The following CCNT1 variants were observed in gnomAD, a reference collection of about 807,000 sequenced individuals.
CCNT1 encodes cyclin T1.
A neutral mutation model predicts 67.3 loss-of-function variants in CCNT1; 18 were observed. The ratio of observed to expected loss-of-function variants is 0.27; its 90% CI spans 0.18 to 0.40. CCNT1 has a LOEUF of 0.40. Among genes scored for constraint, CCNT1 ranks in the 10% least tolerant of loss-of-function variants. The pLI is 1.00. For synonymous variants in CCNT1, 333 were observed against 310.3 expected, an observed-to-expected ratio of 1.07 and a Z score of -0.77; for missense variants, 744 against 884.9, an observed-to-expected ratio of 0.84 and a Z score of 2.02.
chr12:48,696,098 G>A lies in CCNT1; in HGVS notation c.607C>T (p.Leu203=), dbSNP rs991474879. The change falls in exon 7 of 9, where the codon CTG becomes TTG. Residue 203 remains leucine, a synonymous_variant. Transcript: ENST00000261900. ...PPVVACVCIH[L]ACKWSNWEIP... ...TCCCAATTGGACCACTTGCAAGCCA[G>A]GTGAATGCAGACACAGGCCACCACA... The A allele has an allele frequency of 6.2e-7, 1 of 1,613,794 alleles. No individual in the cohort carries two copies. Among genetic ancestry groups the A allele is most frequent in the Admixed American group, 1.7e-5 (1 of 59,988 alleles).
chr12:48,695,481 T>C (rs1301987581), intron 8 of CCNT1, among the ~76,000 whole-genome samples: 1 of 152,158 alleles, frequency 6.6e-6, no homozygotes, highest in African/African-American at 2.4e-5. Flanking sequence ...AGAAGCCATG[T>C]TTTTTCCCTA....
intron 2 of CCNT1, among the ~76,000 whole-genome samples, chr12:48,712,999 C>T (rs1324372301): frequency 1.3e-5 from 2 of 151,878 alleles, no homozygotes; most frequent in African/African-American, 4.8e-5. Flanking sequence ...ATTACCTTGG[C>T]GTTTTATTAA....
chr12:48,716,452 G>A, intron 1 of CCNT1, 63 bp downstream of exon 1: 2 of 1,477,548 alleles, frequency 1.4e-6, no homozygotes, highest in South Asian at 2.6e-5. Flanking sequence ...CAGAGCCTGA[G>A]ACCCGGACGC....
At position 48,693,403 on chromosome 12, in the gene CCNT1, A is replaced by T. The variant is rs1404693991; in HGVS notation, c.1811T>A (p.Phe604Tyr). ...STKSSSLNFSFPSLPTMGQMP... is the reference protein window; with the variant it reads ...STKSSSLNFSYPSLPTMGQMP... ...CTGACCCATTGTAGGAAGTGAAGGG[A>T]AGGAGAAATTTAGGGAAGAGGATTT... is the stretch of plus-strand genomic sequence containing the variant. Residue 604 changes from phenylalanine (F) to tyrosine (Y), a missense_variant, in exon 9 of 9, where the codon TTC (phenylalanine) becomes TAC (tyrosine). Phe to Tyr is a conservative substitution (Grantham distance 22). This residue lies in a region of CCNT1 where 564 missense variants were observed against 574.2 expected (regional missense o/e 0.98). Coordinates refer to ENST00000261900, the MANE Select transcript of CCNT1 (RefSeq NM_001240.4). 1 of 1,614,194 alleles carries T rather than the reference A, an allele frequency of 6.2e-7. No individual in the cohort carries two copies. The highest frequency in any genetic ancestry group is 8.5e-7 in the Non-Finnish European group (1 of 1,180,036).
intron 2 of CCNT1, among the ~76,000 whole-genome samples, chr12:48,711,137 T>G (rs1940444118): frequency 6.6e-6 from 1 of 151,600 alleles, no homozygotes; most frequent in African/African-American, 2.4e-5. Context: ...ATCCCAGCAC[T>G]CTGGAAGGAT....
intron 2 of CCNT1, among the ~76,000 whole-genome samples, chr12:48,707,513 G>A (rs1018320812): frequency 6.6e-6 from 1 of 151,930 alleles, no homozygotes; most frequent in Non-Finnish European, 1.5e-5. Context: ...AAACTCCTGG[G>A]CTCAAGTAAT....
Position 48,694,393 on chromosome 12 carries a change from G to A in CCNT1, c.821C>T (p.Thr274Ile). ...AKKTKADDRG[T>I]DEKTSEQTIL... ...TGTCTGCTCTGAAGTCTTTTCATCTGTTCCTCGGTCATCTGCTTTTGTTTT... is the reference window on the plus strand; with the variant it reads ...TGTCTGCTCTGAAGTCTTTTCATCTATTCCTCGGTCATCTGCTTTTGTTTT... The change falls in exon 9 of 9, where the codon ACA (threonine) becomes ATA (isoleucine). Residue 274 changes from threonine to isoleucine, a missense_variant. Physicochemically the swap from Thr to Ile is moderately conservative, Grantham distance 89. This residue lies in a region of CCNT1 where 564 missense variants were observed against 574.2 expected (regional missense o/e 0.98). Transcript: ENST00000261900. 5 of 1,613,846 alleles carry A rather than the reference G, an allele frequency of 3.1e-6. No homozygotes were observed. The highest frequency in any genetic ancestry group is 4.2e-6 in the Non-Finnish European group (5 of 1,179,722).
At position 48,691,379 on chromosome 12, in the gene CCNT1, A is replaced by G. The variant is rs1452949737; in HGVS notation, c.*1654T>C. Reference sequence around the variant, plus strand: ...TCTCCCTAAAAAATCCTTGGCATGAAGTAAGCTGCAATCAAATCATGAAAA... The same window carrying G: ...TCTCCCTAAAAAATCCTTGGCATGAGGTAAGCTGCAATCAAATCATGAAAA... On this transcript the variant is annotated 3_prime_UTR_variant, in exon 9 of 9. Coordinates refer to ENST00000261900, the MANE Select transcript of CCNT1 (RefSeq NM_001240.4). 2 of 152,210 alleles carry G rather than the reference A, an allele frequency of 1.3e-5. No homozygotes were observed. The highest frequency in any genetic ancestry group is 2.9e-5 in the Non-Finnish European group (2 of 68,024). The allele number at this position is 152,210 out of a possible 1,614,324, so 9.4% of individuals were successfully genotyped here. A position where few individuals can be genotyped will look rare whatever the true frequency, so the allele number is the denominator to read the frequency against.
At chr12:48,712,915 G>A (rs1940477583) in intron 2 of CCNT1, among the ~76,000 whole-genome samples, 3 of 151,924 alleles carry the variant, frequency 2.0e-5, no homozygotes, top group South Asian at 4.2e-4. Context: ...ACTCCATCCT[G>A]GGCAACAAGA....
intron 3 of CCNT1, 40 bp downstream of exon 3, chr12:48,705,727 GA>G: frequency 1.9e-6 from 3 of 1,557,640 alleles, no homozygotes; most frequent in Non-Finnish European, 1.7e-6. Flanking sequence ...AAAAAGAAAG[GA>G]AAAAAATTAA....
At chr12:48,710,898 T>C (rs1940439010) in intron 2 of CCNT1, among the ~76,000 whole-genome samples, 1 of 151,980 alleles carries the variant, frequency 6.6e-6, no homozygotes, top group Admixed American at 6.6e-5. Context: ...CCGTCTCTAC[T>C]AAAAATACAA....
At chr12:48,714,824 G>A (rs564767647) in intron 1 of CCNT1, among the ~76,000 whole-genome samples, 1 of 152,012 alleles carries the variant, frequency 6.6e-6, no homozygotes, top group Non-Finnish European at 1.5e-5. Context: ...TATATAAGGC[G>A]GCCAGGCGCG....
At position 48,691,711 on chromosome 12, in the gene CCNT1, T is replaced by C. The variant is rs1057001067; in HGVS notation, c.*1322A>G. On this transcript the variant is annotated 3_prime_UTR_variant, in exon 9 of 9. Coordinates refer to ENST00000261900, the MANE Select transcript of CCNT1 (RefSeq NM_001240.4). Reference sequence around the variant, plus strand: ...TCTAAACACAATAGTATCCATTGGCTAGGCTTTGCTCATTCTCATGGCACC... The same window carrying C: ...TCTAAACACAATAGTATCCATTGGCCAGGCTTTGCTCATTCTCATGGCACC... 1.3e-5 allele frequency: 2 copies of C among 152,226 alleles called. No individual in the cohort carries two copies. Among genetic ancestry groups the C allele is most frequent in the Admixed American group, 6.5e-5 (1 of 15,268 alleles). 9.4% of individuals were successfully genotyped at this position (152,226 alleles called of 1,614,324 possible). A position where few individuals can be genotyped will look rare whatever the true frequency, so the allele number is the denominator to read the frequency against.
chr12:48,699,307 T>C (rs898627618), intron 5 of CCNT1, among the ~76,000 whole-genome samples: 8 of 152,196 alleles, frequency 5.3e-5, no homozygotes, highest in African/African-American at 1.7e-4. Flanking sequence ...AAAGGCACAA[T>C]AGTGTTCAGA....
chr12:48,701,258 C>A, intron 3 of CCNT1, among the ~76,000 whole-genome samples, 185 bp from the exon 4 acceptor site: 1 of 106,570 alleles, frequency 9.4e-6, no homozygotes, highest in Non-Finnish European at 1.8e-5. Context: ...CAGAGTCTCC[C>A]TCTGTCACCC....
intron 8 of CCNT1, 137 bp from the exon 9 acceptor site, chr12:48,694,573 CCAATAAATATTACCAT>C (rs2137223724): frequency 1.5e-6 from 1 of 669,984 alleles, no homozygotes; most frequent in African/African-American, 1.8e-5. Flanking sequence ...AACATGTAAT[CCAATAAATATTACCAT>C]CAAGAGAAGA....
At chr12:48,700,924 A>G (rs1451389930) in intron 4 of CCNT1, 89 bp downstream of exon 4, 2 of 756,708 alleles carry the variant, frequency 2.6e-6, no homozygotes, top group African/African-American at 3.6e-5. Context: ...AACTTTCCCA[A>G]GAAATATTCT....
At chr12:48,694,577 T>C in intron 8 of CCNT1, 141 bp from the exon 9 acceptor site, 1 of 657,026 alleles carries the variant, frequency 1.5e-6, no homozygotes, top group Non-Finnish European at 2.6e-6. Context: ...TGTAATCCAA[T>C]AAATATTACC....
intron 2 of CCNT1, among the ~76,000 whole-genome samples, chr12:48,712,386 T>C (rs989707604): frequency 6.7e-6 from 1 of 149,694 alleles, no homozygotes; most frequent in Admixed American, 6.7e-5. Context: ...GTTCAAGTGA[T>C]TGCCTCAGCC....
Sources: gnomAD v4.1 joint callset for allele counts (sites outside exome capture counted in the v4.1 genomes callset) on GRCh38, gnomAD v4.1.1 for gene constraint, gnomAD v4.1.1 regional missense constraint, MANE v1.5 for transcripts, NCBI Gene and HGNC (gene_info 2026-07-23, HGNC 2026-07-21) for gene names.